BMERB1: variants seen among roughly 807,000 people sequenced by gnomAD.
BMERB1 encodes the protein bMERB domain-containing protein 1.
BMERB1 carries 12 observed loss-of-function variants against 23.6 expected under a neutral mutation model. That is an observed-to-expected ratio of 0.51 (90% CI 0.33 to 0.82). The LOEUF is 0.82. BMERB1 is among the 40% of genes least tolerant of loss of function. The probability of loss-of-function intolerance (pLI) is 0.03; values close to 1 mark genes in which losing one functional copy is unlikely to be tolerated. For missense variants in BMERB1, 247 were observed against 255.4 expected (o/e 0.97, Z 0.22); for synonymous variants, 122 against 96.6 (o/e 1.26, Z -1.54).
At chr16:15,568,933 C>G (rs1285152149) in intron 3 of BMERB1, among the ~76,000 whole-genome samples, 1 of 151,904 alleles carries the variant, frequency 6.6e-6, no homozygotes, top group Non-Finnish European at 1.5e-5. Context: ...ATGCTAGTCC[C>G]AGGCCAGGCA....
In BMERB1 at chr16:15,487,340, A is replaced by G. The variant is rs1025540286; in HGVS notation, c.107-27965A>G. 2.6e-5 allele frequency among the ~76,000 whole-genome samples: 4 copies of G among 152,200 alleles called. No individual in the cohort carries two copies. The South Asian group carries it at 8.3e-4, about 32-fold the overall frequency. ...AAGATTGAAATTTAAAGCCTTTAATATCTTAGTTTATAAAAGACAAGTTAC... is the reference window on the plus strand; with the variant it reads ...AAGATTGAAATTTAAAGCCTTTAATGTCTTAGTTTATAAAAGACAAGTTAC... On this transcript the variant is annotated intron_variant, in intron 1 of 5. Coordinates refer to ENST00000300006, the MANE Select transcript of BMERB1 (RefSeq NM_033201.3).
chr16:15,537,625 A>G (rs1598504083), intron 2 of BMERB1, among the ~76,000 whole-genome samples: 1 of 151,488 alleles, frequency 6.6e-6, no homozygotes, highest in African/African-American at 2.4e-5. Context: ...AAGTGCTGGG[A>G]TTACAGGCAT....
intron 1 of BMERB1, among the ~76,000 whole-genome samples, chr16:15,441,270 G>T (rs775678755): frequency 2.0e-5 from 3 of 152,024 alleles, no homozygotes; most frequent in Admixed American, 6.6e-5. Flanking sequence ...CCAGGATAGA[G>T]TGCTGTGGTG....
At chr16:15,509,054 G>A (rs950520601) in intron 1 of BMERB1, among the ~76,000 whole-genome samples, 6 of 151,734 alleles carry the variant, frequency 4.0e-5, no homozygotes, top group Non-Finnish European at 7.4e-5. Flanking sequence ...CTGGAGCCTG[G>A]CACCACCGCC....
intron 1 of BMERB1, among the ~76,000 whole-genome samples, chr16:15,478,448 A>G (rs2051291034): frequency 6.6e-6 from 1 of 152,174 alleles, no homozygotes. Context: ...GATGTGAGCC[A>G]CCACGCCTGG....
At chr16:15,567,097 G>A (rs933727189) in intron 2 of BMERB1, among the ~76,000 whole-genome samples, 2 of 151,978 alleles carry the variant, frequency 1.3e-5, no homozygotes, top group Non-Finnish European at 2.9e-5. Context: ...GTGCAGAGGT[G>A]GGAGGATCCC....
intron 1 of BMERB1, among the ~76,000 whole-genome samples, chr16:15,461,261 C>T (rs1461278261): frequency 2.6e-5 from 4 of 152,086 alleles, no homozygotes; most frequent in East Asian, 1.9e-4. Context: ...CTGGCAGGAG[C>T]GACCCCCGGG....
intron 1 of BMERB1, among the ~76,000 whole-genome samples, chr16:15,509,106 G>A (rs2051626976): frequency 6.6e-6 from 1 of 151,958 alleles, no homozygotes; most frequent in Non-Finnish European, 1.5e-5. Context: ...CCAGTTCCTG[G>A]GATGTGATTA....
chr16:15,539,955 G>A (rs1440456481), intron 2 of BMERB1, among the ~76,000 whole-genome samples: 2 of 152,142 alleles, frequency 1.3e-5, no homozygotes, highest in Non-Finnish European at 2.9e-5. Flanking sequence ...GAGCCTAGGA[G>A]TTTGAGTCCA....
At chr16:15,466,956 C>G (rs2051185686) in intron 1 of BMERB1, among the ~76,000 whole-genome samples, 2 of 152,146 alleles carry the variant, frequency 1.3e-5, no homozygotes, top group South Asian at 2.1e-4. Context: ...CAGTATATAA[C>G]CTTTTTGAGA....
At chr16:15,502,331 G>T (rs188565459) in intron 1 of BMERB1, 10 of 1,551,138 alleles carry the variant, frequency 6.4e-6, no homozygotes, top group Non-Finnish European at 7.8e-6. Context: ...CATGTGGGGC[G>T]ACCTCACAGA....
Position 15,517,319 on chromosome 16 carries a change from G to A in BMERB1, c.230+1891G>A, listed in dbSNP as rs190327781. ...AGGCCAGGAGTTTGAGACCAGCCTG[G>A]CCAACAGGGCAAAAACCCGTCTCTA... On this transcript the variant is annotated intron_variant, in intron 2 of 5. Coordinates refer to ENST00000300006, the MANE Select transcript of BMERB1 (RefSeq NM_033201.3). 1.8e-3 allele frequency among the ~76,000 whole-genome samples: 273 copies of A among 152,262 alleles called. 1 individual carries two copies. Among genetic ancestry groups the A allele is most frequent in the Non-Finnish European group, 3.1e-3 (209 of 68,022 alleles).
At chr16:15,493,052 C>T (rs12148985) in intron 1 of BMERB1, among the ~76,000 whole-genome samples, 44,933 of 151,932 alleles carry the variant, frequency 0.3, 7,598 homozygotes, top group East Asian at 0.56. Context: ...AATACCTGTG[C>T]AGTACCCCTT....
At chr16:15,574,267 G>C (rs368534889) in intron 3 of BMERB1, among the ~76,000 whole-genome samples, 10 of 152,130 alleles carry the variant, frequency 6.6e-5, no homozygotes, top group Non-Finnish European at 1.3e-4. Context: ...AACTGCCTGC[G>C]TGATTCAGTC....
intron 5 of BMERB1, among the ~76,000 whole-genome samples, chr16:15,584,526 C>G (rs2031093795): frequency 6.6e-6 from 1 of 150,570 alleles, no homozygotes; most frequent in African/African-American, 2.4e-5. Flanking sequence ...CCACTACACT[C>G]CAGCCTGGGT....
At chr16:15,477,451 G>A (rs983215678) in intron 1 of BMERB1, among the ~76,000 whole-genome samples, 1 of 152,082 alleles carries the variant, frequency 6.6e-6, no homozygotes, top group East Asian at 1.9e-4. Context: ...GCAACATAGT[G>A]AGACCTCCTG....
At chr16:15,487,291 T>C (rs1251685365) in intron 1 of BMERB1, among the ~76,000 whole-genome samples, 2 of 152,224 alleles carry the variant, frequency 1.3e-5, no homozygotes, top group East Asian at 1.9e-4. Flanking sequence ...GAAAAACCAA[T>C]TGTTTTATCA....
At position 15,452,803 on chromosome 16, in the gene BMERB1, G is replaced by C. The variant is rs539548885; in HGVS notation, c.106+18044G>C. On this transcript the variant is annotated intron_variant, in intron 1 of 5. Transcript: ENST00000300006. ...AGCCTAAGTGTATCGGACCAGCTAG[G>C]ATCAAGACCCAACCCTTGACTAGGA... Among the ~76,000 whole-genome samples the C allele has an allele frequency of 1.1e-4, 17 of 152,208 alleles. No homozygotes were observed. In the East Asian group the frequency reaches 3.3e-3, roughly 29 times the overall value.
intron 1 of BMERB1, among the ~76,000 whole-genome samples, chr16:15,489,341 C>T (rs963646048): frequency 1.3e-5 from 2 of 152,124 alleles, no homozygotes; most frequent in Admixed American, 1.3e-4. Flanking sequence ...TCTAAATGCT[C>T]TGAACAAAAT....
Sources: allele counts gnomAD v4.1 joint callset (sites outside exome capture counted in the v4.1 genomes callset), GRCh38; gene constraint gnomAD v4.1.1; transcripts MANE v1.5; gene names NCBI Gene and HGNC (gene_info 2026-07-23, HGNC 2026-07-21).